MTOR: variants seen among roughly 807,000 people sequenced by gnomAD.
MTOR encodes serine/threonine-protein kinase mTOR.
Under a neutral mutation model 319.8 loss-of-function variants are expected in MTOR, and 70 were observed. The ratio of observed to expected loss-of-function variants is 0.22; its 90% CI spans 0.18 to 0.27. The LOEUF (loss-of-function observed/expected upper bound fraction) is 0.27. Among genes scored for constraint, MTOR ranks in the 10% least tolerant of loss-of-function variants. MTOR has a pLI of 1.00. For missense variants in MTOR, 1,890 were observed against 3,274.4 expected (o/e 0.58, Z 10.32); for synonymous variants, 1,183 against 1,211.4 (o/e 0.98, Z 0.49).
At chr1:11,126,918 A>C in intron 45 of MTOR, 92 bp downstream of exon 45, 1 of 1,575,716 alleles carries the variant, frequency 6.3e-7, no homozygotes, top group Non-Finnish European at 8.6e-7. Flanking sequence ...GTAAAACCAG[A>C]TGCTTTGGAA....
At chr1:11,164,348 A>AG (rs1372436189) in intron 29 of MTOR, among the ~76,000 whole-genome samples, 1 of 151,460 alleles carries the variant, frequency 6.6e-6, no homozygotes, top group African/African-American at 2.4e-5. Flanking sequence ...AAAAAAAAAA[A>AG]AAAAAAGAGA....
intron 31 of MTOR, among the ~76,000 whole-genome samples, chr1:11,147,114 ACT>A (rs1643957030): frequency 6.6e-6 from 1 of 151,902 alleles, no homozygotes; most frequent in Non-Finnish European, 1.5e-5. Context: ...ATCCTAGAGA[ACT>A]CTCTCAGGTT....
chr1:11,240,928 A>G (rs1447309008), intron 10 of MTOR, among the ~76,000 whole-genome samples: 1 of 152,104 alleles, frequency 6.6e-6, no homozygotes, highest in Non-Finnish European at 1.5e-5. Context: ...TTTATTGAGT[A>G]CTTCCTATAT....
intron 34 of MTOR, among the ~76,000 whole-genome samples, chr1:11,143,449 T>C (rs1307315526): frequency 6.6e-6 from 1 of 152,252 alleles, no homozygotes; most frequent in Non-Finnish European, 1.5e-5. Context: ...ACAAATCAAG[T>C]GGGAAATGCT....
chr1:11,184,472 G>A (rs918501467), intron 28 of MTOR, among the ~76,000 whole-genome samples: 11 of 152,144 alleles, frequency 7.2e-5, no homozygotes, highest in Non-Finnish European at 1.6e-4. Flanking sequence ...GGTGGCTCAG[G>A]CCTATAATCC....
intron 28 of MTOR, among the ~76,000 whole-genome samples, chr1:11,173,103 C>A (rs966925141): frequency 6.6e-6 from 1 of 151,990 alleles, no homozygotes; most frequent in Non-Finnish European, 1.5e-5. Flanking sequence ...AAGCAATTCT[C>A]CTGTCTTAGC....
intron 28 of MTOR, among the ~76,000 whole-genome samples, chr1:11,176,620 G>C (rs1200512872): frequency 6.6e-6 from 1 of 152,232 alleles, no homozygotes; most frequent in African/African-American, 2.4e-5. Flanking sequence ...CATCACAGCT[G>C]ATGGGGCTGT....
chr1:11,239,747 A>G (rs1281059180), intron 11 of MTOR, among the ~76,000 whole-genome samples: 1 of 152,012 alleles, frequency 6.6e-6, no homozygotes, highest in East Asian at 1.9e-4. Flanking sequence ...TCTACCAAAA[A>G]TACAAAAATT....
intron 28 of MTOR, among the ~76,000 whole-genome samples, chr1:11,190,996 A>C (rs1276777377): frequency 6.6e-6 from 1 of 152,234 alleles, no homozygotes; most frequent in African/African-American, 2.4e-5. Flanking sequence ...CCGGGCCCTC[A>C]GTTTGGGATT....
chr1:11,142,906 T>C (rs1643783499), intron 34 of MTOR, among the ~76,000 whole-genome samples: 1 of 152,184 alleles, frequency 6.6e-6, no homozygotes, highest in Non-Finnish European at 1.5e-5. Context: ...CATGTATTTT[T>C]CCACTACTAT....
chr1:11,238,061 T>G lies in MTOR; in HGVS notation c.2003-13A>C. 6.2e-7 allele frequency: 1 copy of G among 1,613,778 alleles called. No homozygotes were observed. Among genetic ancestry groups the G allele is most frequent in the Non-Finnish European group, 8.5e-7 (1 of 1,179,746 alleles). ...CGAATGTCAGGGTCTGCAAGAGCAA[T>G]GGAGCCTTTGAACATTTCCTCATGA... On this transcript the variant is annotated splice_polypyrimidine_tract_variant and intron_variant, in intron 12 of 57. Coordinates refer to ENST00000361445, the MANE Select transcript of MTOR (RefSeq NM_004958.4).
In MTOR at chr1:11,252,682, T is replaced by C. The variant is rs142333237; in HGVS notation, c.840+1157A>G. Among the ~76,000 whole-genome samples, 683 of 152,328 alleles carry C rather than the reference T, an allele frequency of 4.5e-3. 8 individuals carry two copies. Among genetic ancestry groups the C allele is most frequent in the African/African-American group, 0.015 (644 of 41,570 alleles). ...CATGCGCTGCTCCCACATCTGGGCA[T>C]GGCTATTATCTAACAAGCACTGTGT... On this transcript the variant is annotated intron_variant, in intron 6 of 57. Coordinates refer to ENST00000361445, the MANE Select transcript of MTOR (RefSeq NM_004958.4).
intron 28 of MTOR, among the ~76,000 whole-genome samples, chr1:11,189,053 C>T (rs1645415734): frequency 6.6e-6 from 1 of 152,158 alleles, no homozygotes; most frequent in Admixed American, 6.5e-5. Context: ...ATTCTTCTGA[C>T]CCTGTCCTGC....
intron 28 of MTOR, among the ~76,000 whole-genome samples, chr1:11,190,283 G>C: frequency 6.6e-6 from 1 of 152,132 alleles, no homozygotes; most frequent in East Asian, 1.9e-4. Flanking sequence ...TCCTCACCAA[G>C]AGCTGACAGG....
intron 15 of MTOR, 65 bp downstream of exon 15, chr1:11,233,333 C>A: frequency 7.0e-7 from 1 of 1,425,712 alleles, no homozygotes; most frequent in Non-Finnish European, 9.7e-7. Flanking sequence ...AGTATTTTGA[C>A]TTCCTTAGAG....
intron 3 of MTOR, 113 bp from the exon 4 acceptor site, chr1:11,257,278 G>A (rs943569696): frequency 2.4e-6 from 2 of 846,372 alleles, no homozygotes; most frequent in East Asian, 3.0e-5. Context: ...GCTCAAGTCT[G>A]TAATCCTAGC....
intron 34 of MTOR, among the ~76,000 whole-genome samples, chr1:11,142,859 CA>C (rs1277434750): frequency 6.6e-6 from 1 of 152,278 alleles, no homozygotes; most frequent in East Asian, 1.9e-4. Flanking sequence ...TCTTAGGAAC[CA>C]AAAGCATTGG....
intron 56 of MTOR, 149 bp from the exon 57 acceptor site, chr1:11,108,435 C>T: frequency 1.5e-6 from 1 of 657,132 alleles, no homozygotes; most frequent in Non-Finnish European, 2.6e-6. Flanking sequence ...AAAGTTTGGC[C>T]AGGTGCGGTG....
chr1:11,114,735 C>A (rs76248684), intron 52 of MTOR, 78 bp downstream of exon 52: 1 of 1,400,928 alleles, frequency 7.1e-7, no homozygotes, highest in East Asian at 2.3e-5. Context: ...AACTGATGGG[C>A]TCTAACAAGC....
Sources: gnomAD v4.1 joint callset for allele counts (sites outside exome capture counted in the v4.1 genomes callset) on GRCh38, gnomAD v4.1.1 for gene constraint, MANE v1.5 for transcripts, NCBI Gene and HGNC (gene_info 2026-07-23, HGNC 2026-07-21) for gene names.